The following UBA1 variants were observed in gnomAD, a reference collection of about 807,000 sequenced individuals.
UBA1 encodes the protein ubiquitin like modifier activating enzyme 1.
In UBA1, 4 loss-of-function variants were observed where a neutral mutation model predicts 84.7. The observed-to-expected ratio is 0.05, with a 90% CI of 0.02 to 0.11. The LOEUF (loss-of-function observed/expected upper bound fraction) is 0.11, where lower values mean the gene tolerates loss of function less well. UBA1 is among the 10% of genes least tolerant of loss of function. The pLI is 1.00. For missense variants in UBA1, 513 were observed against 902.8 expected (o/e 0.57, Z 5.53); for synonymous variants, 364 against 362.6 (o/e 1.00, Z -0.04).
chrX:47,212,812 A>T lies in UBA1; in HGVS notation c.2595A>T (p.Ala865=), dbSNP rs139492208. ...SNFHMDFIVA[A]SNLRAENYDI... ...TTCATATGGATTTCATCGTGGCTGC[A>T]TCCAACCTCCGGGCAGAAAACTATG... Residue 865 remains alanine, a synonymous_variant, in exon 22 of 26, where the codon GCA becomes GCT. Coordinates refer to ENST00000335972, the MANE Select transcript of UBA1 (RefSeq NM_003334.4). 6.6e-6 allele frequency: 8 copies of T among 1,211,800 alleles called. No individual in the cohort carries two copies. Among genetic ancestry groups the T allele is most frequent in the Non-Finnish European group, 8.9e-6 (8 of 895,507 alleles).
At chrX:47,209,586 A>G (rs782813902) in intron 16 of UBA1, 37 bp from the exon 17 acceptor site, 11 of 1,191,219 alleles carry the variant, frequency 9.2e-6, no homozygotes, top group South Asian at 5.3e-5. Flanking sequence ...CATTTTGTCA[A>G]CTGTGGCCAC....
Position 47,204,152 on chromosome X carries a change from T to G in UBA1, c.1575+456T>G, listed in dbSNP as rs1287426214. 1.9e-4 allele frequency among the ~76,000 whole-genome samples: 18 copies of G among 94,961 alleles called. No homozygotes were observed. In the East Asian group the frequency reaches 3.0e-3, roughly 16 times the overall value. The allele number at this position is 94,961 out of a possible 115,157, so 82.5% of individuals were successfully genotyped here. On this transcript the variant is annotated intron_variant, in intron 14 of 25. Transcript: ENST00000335972. ...CCCTCAGCTTCTGTTTTTTTTTTTT[T>G]TTTTTTTTTTTTTTTGCCTTAACCT...
intron 1 of UBA1, chrX:47,197,173 A>G (rs1439612932): frequency 2.7e-6 from 2 of 754,649 alleles, no homozygotes; most frequent in Non-Finnish European, 3.1e-6. Context: ...GCCTCCCCTC[A>G]TCTCCCATTC....
Position 47,198,907 on chromosome X carries a change from G to T in UBA1, c.105G>T (p.Ser35=), listed in dbSNP as rs782781187. The change falls in exon 2 of 26, where the codon TCG becomes TCT. Residue 35 remains serine, a synonymous_variant. Transcript: ENST00000335972. ...AGTCCGTGTTGTCCGAAGTGCCCTC[G>T]GTGCCAACCAACGTGAGTGTCCTCT... ...PAQSVLSEVP[S]VPTNGMAKNG... is the part of the protein sequence containing the mutation. 1 of 1,211,932 alleles carries T rather than the reference G, an allele frequency of 8.3e-7. No individual in the cohort carries two copies. The highest frequency in any genetic ancestry group is 1.8e-5 in the South Asian group (1 of 57,029).
At position 47,210,910 on chromosome X, in the gene UBA1, C is replaced by T; in HGVS notation, c.2268C>T (p.Val756=). The change falls in exon 19 of 26, where the codon GTC becomes GTT. Residue 756 remains valine (V), a synonymous_variant. Transcript: ENST00000335972. ...GTCCACACCCGCTCACCTTTGATGT[C>T]AACAATGTAAGTCTCCTTTCTAGGG... ...KRCPHPLTFD[V]NNPLHLDYVM... 8.3e-7 allele frequency: 1 copy of T among 1,211,398 alleles called. No homozygotes were observed. The highest frequency in any genetic ancestry group is 1.1e-6 in the Non-Finnish European group (1 of 895,247).
At chrX:47,190,855 G>A (rs1556784158), upstream of UBA1, 1 of 112,924 alleles carries the variant, frequency 8.9e-6, no homozygotes, top group African/African-American at 3.2e-5. Flanking sequence ...GCAAACTCTG[G>A]CTTCTCTTGT....
chrX:47,206,811 A>T, intron 16 of UBA1: 1 of 254,599 alleles, frequency 3.9e-6, no homozygotes, highest in Non-Finnish European at 7.1e-6. Flanking sequence ...ACAGCCCTTT[A>T]CTCCCTACTA....
At chrX:47,213,392 C>T (rs1937013549) in intron 23 of UBA1, among the ~76,000 whole-genome samples, 1 of 112,291 alleles carries the variant, frequency 8.9e-6, no homozygotes, top group African/African-American at 3.2e-5. Flanking sequence ...TTATTAGTAA[C>T]TACACAATAA....
chrX:47,197,383 C>T, intron 1 of UBA1: 4 of 754,855 alleles, frequency 5.3e-6, no homozygotes, highest in Non-Finnish European at 6.3e-6. Flanking sequence ...ACAGTATGCT[C>T]TTGGTAGATA....
intron 16 of UBA1, chrX:47,209,315 A>T: frequency 4.7e-6 from 2 of 427,256 alleles, no homozygotes; most frequent in Non-Finnish European, 8.2e-6. Context: ...CACCACGCCC[A>T]GCTACTTTTT....
rs782776898 is a variant in UBA1 at position 47,199,577 on chromosome X, C to T, written c.443C>T (p.Thr148Ile). The T allele has an allele frequency of 1.7e-6, 2 of 1,211,821 alleles. No homozygotes were observed. Residue 148 changes from threonine (T) to isoleucine (I), a missense_variant, in exon 5 of 26, where the codon ACT becomes ATT. Thr to Ile is a moderately conservative substitution (Grantham distance 89). This residue lies in a region of UBA1 where 227 missense variants were observed against 339.1 expected (regional missense o/e 0.67). Transcript: ENST00000335972. ...AGCTATGTGCCTGTCACTGCCTACACTGGACCCCTCGTTGAGGACTTCCTT... is the reference window on the plus strand; with the variant it reads ...AGCTATGTGCCTGTCACTGCCTACATTGGACCCCTCGTTGAGGACTTCCTT... ...LNSYVPVTAY[T>I]GPLVEDFLSG... is the part of the protein sequence containing the mutation.
rs1487402125 is a variant in UBA1, at chrX:47,213,085, G to C, written c.2742G>C (p.Gln914His). The C allele has an allele frequency of 8.3e-6, 10 of 1,210,501 alleles. No individual in the cohort carries two copies. The highest frequency in any genetic ancestry group is 2.2e-5 in the Admixed American group (1 of 45,883). ...LVCLELYKVV[Q>H]GHRQLDSYKN... is the part of the protein sequence containing the mutation. ...GTCTGGAGCTGTACAAGGTTGTGCA[G>C]GGGCACCGACAGCTTGACTCCTACA... Residue 914 changes from glutamine to histidine, a missense_variant, in exon 23 of 26, where the codon CAG becomes CAC. This residue lies in a region of UBA1 where 151 missense variants were observed against 260.1 expected (regional missense o/e 0.58). Coordinates refer to ENST00000335972, the MANE Select transcript of UBA1 (RefSeq NM_003334.4).
At chrX:47,199,145 G>A (rs1556786590) in intron 3 of UBA1, 39 bp downstream of exon 3, 2 of 1,212,286 alleles carry the variant, frequency 1.6e-6, no homozygotes, top group Admixed American at 4.3e-5. Flanking sequence ...GTGTGGAATG[G>A]GACATTGAGA....
rs782644030 is a variant in UBA1, at chrX:47,198,835, C to T, written c.33C>T (p.Arg11=). 5 of 1,211,976 alleles carry T rather than the reference C, an allele frequency of 4.1e-6. No individual in the cohort carries two copies. The highest frequency in any genetic ancestry group is 2.3e-4 in the Middle Eastern group (1 of 4,351). Residue 11 remains arginine (R), a synonymous_variant, in exon 2 of 26, where the codon CGC becomes CGT. Transcript: ENST00000335972. MSSSPLSKKR[R]VSGPDPKPGS... is the part of the protein sequence containing the mutation. Reference sequence around the variant, plus strand: ...GCTCGCCGCTGTCCAAGAAACGTCGCGTGTCCGGGCCTGATCCAAAGCCGG... The same window carrying T: ...GCTCGCCGCTGTCCAAGAAACGTCGTGTGTCCGGGCCTGATCCAAAGCCGG...
intron 16 of UBA1, 115 bp from the exon 17 acceptor site, chrX:47,209,508 C>T: frequency 1.4e-6 from 1 of 702,166 alleles, no homozygotes; most frequent in East Asian, 3.3e-5. Context: ...TCCCCACTTC[C>T]AGAGTAGCTG....
chrX:47,200,439 T>A (rs1212852122), intron 5 of UBA1, among the ~76,000 whole-genome samples: 1 of 112,198 alleles, frequency 8.9e-6, no homozygotes, highest in Non-Finnish European at 1.9e-5. Flanking sequence ...TAAATCCTGA[T>A]GGAGGAGTAG....
intron 14 of UBA1, among the ~76,000 whole-genome samples, chrX:47,204,566 A>G (rs1446940817): frequency 9.0e-6 from 1 of 111,554 alleles, no homozygotes; most frequent in Non-Finnish European, 1.9e-5. Flanking sequence ...CCAGAAGGAA[A>G]GGTGTTCAGC....
intron 13 of UBA1, 24 bp from the exon 14 acceptor site, chrX:47,203,517 C>G (rs1481214258): frequency 1.7e-5 from 20 of 1,209,085 alleles, no homozygotes; most frequent in Non-Finnish European, 2.1e-5. Flanking sequence ...CCAGCCTCTG[C>G]CTGTCTTCTT....
intron 25 of UBA1, 46 bp from the exon 26 acceptor site, chrX:47,214,748 T>C (rs370112983): frequency 4.6e-5 from 56 of 1,206,191 alleles, no homozygotes; most frequent in Non-Finnish European, 6.0e-5. Context: ...CATCCTCTCT[T>C]GCTTTCTGCC....
Sources: gnomAD v4.1 joint callset for allele counts (sites outside exome capture counted in the v4.1 genomes callset) on GRCh38, gnomAD v4.1.1 for gene constraint, gnomAD v4.1.1 regional missense constraint, MANE v1.5 for transcripts, NCBI Gene and HGNC (gene_info 2026-07-23, HGNC 2026-07-21) for gene names.